The following TTC28 variants were observed in gnomAD, a reference collection of about 807,000 sequenced individuals.
TTC28 encodes tetratricopeptide repeat domain 28, also known as tetratricopeptide repeat protein 28.
Under a neutral mutation model 198.0 loss-of-function variants are expected in TTC28, and 61 were observed. The observed-to-expected ratio is 0.31, with a 90% CI of 0.25 to 0.38. The LOEUF (loss-of-function observed/expected upper bound fraction) is 0.38. Among genes scored for constraint, TTC28 ranks in the 10% least tolerant of loss-of-function variants. The probability of loss-of-function intolerance (pLI) is 1.00; values close to 1 mark genes in which losing one functional copy is unlikely to be tolerated. For synonymous variants in TTC28, 1,171 were observed against 1,297.8 expected (o/e 0.90, Z 2.10); for missense variants, 2,678 against 3,164.0 (o/e 0.85, Z 3.69).
intron 6 of TTC28, among the ~76,000 whole-genome samples, chr22:28,135,137 A>T (rs1186564347): frequency 6.6e-6 from 1 of 152,104 alleles, no homozygotes; most frequent in Non-Finnish European, 1.5e-5. Flanking sequence ...GTGTTTTATC[A>T]GGTCTCCTCT....
At chr22:28,445,426 C>T (rs1193582473) in intron 2 of TTC28, among the ~76,000 whole-genome samples, 2 of 152,198 alleles carry the variant, frequency 1.3e-5, no homozygotes, top group African/African-American at 4.8e-5. Context: ...TCATCAAAAA[C>T]TGGGATGGTC....
In TTC28 at chr22:28,391,603, C is replaced by T. The variant is rs548848246; in HGVS notation, c.382-84960G>A. Among the ~76,000 whole-genome samples the T allele has an allele frequency of 4.3e-3, 654 of 152,264 alleles. 2 individuals are homozygous for T. Among genetic ancestry groups the T allele is most frequent in the Non-Finnish European group, 6.2e-3 (425 of 68,032 alleles). On this transcript the variant is annotated intron_variant, in intron 2 of 22. Coordinates refer to ENST00000397906, the MANE Select transcript of TTC28 (RefSeq NM_001145418.2). The stretch of plus-strand genomic sequence containing the variant: ...TCATTTCATTCACTTCATCTTCCAT[C>T]GCTGATACCCTTTCTTCCAGTTGAT...
At chr22:28,019,525 C>A (rs1289243556) in intron 13 of TTC28, among the ~76,000 whole-genome samples, 1 of 152,196 alleles carries the variant, frequency 6.6e-6, no homozygotes, top group Non-Finnish European at 1.5e-5. Flanking sequence ...GCAGCAGGCA[C>A]CCCAGGCTCT....
chr22:28,218,725 A>C lies in TTC28; in HGVS notation c.934-55126T>G, dbSNP rs116561285. Among the ~76,000 whole-genome samples the C allele has an allele frequency of 7.2e-3, 1,101 of 152,270 alleles. 21 individuals are homozygous for C. Among genetic ancestry groups the C allele is most frequent in the African/African-American group, 0.025 (1,057 of 41,546 alleles). On this transcript the variant is annotated intron_variant, in intron 5 of 22. Coordinates refer to ENST00000397906, the MANE Select transcript of TTC28 (RefSeq NM_001145418.2). ...CTGCAAATACTAAAAAGATCTACTC[A>C]AGGGTTGAGATTTATTAAAATTAAT...
intron 5 of TTC28, among the ~76,000 whole-genome samples, chr22:28,211,247 G>A (rs970044068): frequency 5.9e-5 from 9 of 152,028 alleles, no homozygotes; most frequent in Non-Finnish European, 1.0e-4. Flanking sequence ...TAACCAGCTA[G>A]CATCATAATG....
chr22:28,530,014 C>T (rs924174340), intron 2 of TTC28, among the ~76,000 whole-genome samples: 6 of 152,206 alleles, frequency 3.9e-5, no homozygotes, highest in Admixed American at 6.5e-5. Flanking sequence ...TCCAAAGGAA[C>T]GAAGCTCCTC....
intron 2 of TTC28, among the ~76,000 whole-genome samples, chr22:28,570,180 C>G (rs1209682719): frequency 6.6e-6 from 1 of 152,166 alleles, no homozygotes; most frequent in Non-Finnish European, 1.5e-5. Flanking sequence ...AATAGAACTA[C>G]TATTCAACAC....
chr22:28,191,721 A>C (rs545379909), intron 5 of TTC28, among the ~76,000 whole-genome samples: 1 of 152,184 alleles, frequency 6.6e-6, no homozygotes, highest in Non-Finnish European at 1.5e-5. Flanking sequence ...TCAAATTGCA[A>C]GGTGGAAGCG....
At chr22:28,554,569 CAGAAGA>C in intron 2 of TTC28, among the ~76,000 whole-genome samples, 1 of 152,208 alleles carries the variant, frequency 6.6e-6, no homozygotes, top group African/African-American at 2.4e-5. Flanking sequence ...TTCTGCACAG[CAGAAGA>C]AATAATCAGC....
intron 14 of TTC28, among the ~76,000 whole-genome samples, chr22:28,006,167 G>A (rs897719834): frequency 2.0e-5 from 3 of 152,276 alleles, no homozygotes; most frequent in Admixed American, 6.5e-5. Context: ...ATTGCTAGAT[G>A]GGAGGCGAGG....
At position 28,163,483 on chromosome 22, in the gene TTC28, T is replaced by C. The variant is rs1921482877; in HGVS notation, c.1050A>G (p.Glu350=). The change falls in exon 6 of 23, where the codon GAA becomes GAG. Residue 350 remains glutamate (E), a synonymous_variant. Coordinates refer to ENST00000397906, the MANE Select transcript of TTC28 (RefSeq NM_001145418.2). Reference sequence around the variant, plus strand: ...TGCCAAGTTCTCGGGCTTCAGAAAGTTCATCTTTGGATTGCTTGGCAAGAA... The same window carrying C: ...TGCCAAGTTCTCGGGCTTCAGAAAGCTCATCTTTGGATTGCTTGGCAAGAA... ...CVLLAKQSKD[E]LSEARELGNM... The C allele has an allele frequency of 6.4e-7, 1 of 1,551,584 alleles. No individual in the cohort carries two copies. Among genetic ancestry groups the C allele is most frequent in the African/African-American group, 1.4e-5 (1 of 73,016 alleles).
intron 2 of TTC28, among the ~76,000 whole-genome samples, chr22:28,576,812 A>G (rs2050158691): frequency 6.6e-6 from 1 of 151,980 alleles, no homozygotes; most frequent in African/African-American, 2.4e-5. Context: ...GAATTTCTGC[A>G]GTATCAGATG....
chr22:28,375,203 C>T (rs1388595095), intron 2 of TTC28, among the ~76,000 whole-genome samples: 5 of 152,020 alleles, frequency 3.3e-5, no homozygotes, highest in Admixed American at 1.3e-4. Context: ...TTTAGATCTC[C>T]GAAATGAACT....
intron 6 of TTC28, among the ~76,000 whole-genome samples, chr22:28,151,519 T>C (rs1943608451): frequency 6.6e-6 from 1 of 152,168 alleles, no homozygotes; most frequent in African/African-American, 2.4e-5. Context: ...CACAGCTCCT[T>C]TTAAATAGCA....
chr22:28,514,106 C>T (rs1197787906), intron 2 of TTC28, among the ~76,000 whole-genome samples: 1 of 152,112 alleles, frequency 6.6e-6, no homozygotes, highest in Non-Finnish European at 1.5e-5. Flanking sequence ...GGCTACTTCA[C>T]CTTTTTATAT....
intron 2 of TTC28, among the ~76,000 whole-genome samples, chr22:28,383,576 T>A (rs1569294918): frequency 6.6e-6 from 1 of 152,222 alleles, no homozygotes; most frequent in Non-Finnish European, 1.5e-5. Flanking sequence ...ACTCAATAAA[T>A]GGCAATTTCA....
intron 12 of TTC28, among the ~76,000 whole-genome samples, chr22:28,090,762 T>C (rs1941789487): frequency 6.6e-6 from 1 of 152,220 alleles, no homozygotes; most frequent in Admixed American, 6.5e-5. Flanking sequence ...CAGTGAAATT[T>C]TCTTACTGTT....
At chr22:28,395,143 C>T (rs2046794412) in intron 2 of TTC28, among the ~76,000 whole-genome samples, 1 of 152,132 alleles carries the variant, frequency 6.6e-6, no homozygotes, top group South Asian at 2.1e-4. Flanking sequence ...TGACAATGCT[C>T]CTTTAACCCA....
intron 2 of TTC28, among the ~76,000 whole-genome samples, chr22:28,378,598 G>A (rs1444679817): frequency 6.6e-6 from 1 of 151,670 alleles, no homozygotes; most frequent in African/African-American, 2.4e-5. Flanking sequence ...AATGAGTTAT[G>A]ACTGCCACCA....
Sources: allele counts gnomAD v4.1 joint callset (sites outside exome capture counted in the v4.1 genomes callset), GRCh38; gene constraint gnomAD v4.1.1; transcripts MANE v1.5; gene names NCBI Gene and HGNC (gene_info 2026-07-23, HGNC 2026-07-21).